EEIG2: variants seen among roughly 807,000 people sequenced by gnomAD.
EEIG2 encodes the protein EEIG family member 2.
chr1:108,580,078 C>T, the EEIG2 span, among the ~76,000 whole-genome samples: 3 of 152,084 alleles, frequency 2.0e-5, no homozygotes, highest in Non-Finnish European at 4.4e-5. Context: ...TGCTATTTTT[C>T]CAACAGTGTG....
chr1:108,603,278 G>A, the EEIG2 span, among the ~76,000 whole-genome samples: 9 of 152,166 alleles, frequency 5.9e-5, no homozygotes, highest in Non-Finnish European at 7.3e-5. Context: ...GCTGAGCAGC[G>A]AAGACACTGA....
At chr1:108,630,360 G>T in the EEIG2 span, among the ~76,000 whole-genome samples, 3 of 152,088 alleles carry the variant, frequency 2.0e-5, no homozygotes, top group East Asian at 5.8e-4. Flanking sequence ...TCACTCATAG[G>T]TGGGAATTGA....
At chr1:108,633,020 A>G in the EEIG2 span, among the ~76,000 whole-genome samples, 9 of 149,228 alleles carry the variant, frequency 6.0e-5, no homozygotes, top group Non-Finnish European at 1.0e-4. Context: ...CCTGGCCTCA[A>G]GTGATCCTCC....
At chr1:108,574,765 G>T in the EEIG2 span, among the ~76,000 whole-genome samples, 1 of 152,060 alleles carries the variant, frequency 6.6e-6, no homozygotes, top group Non-Finnish European at 1.5e-5. Flanking sequence ...AAAAGGGGGG[G>T]TTAGATGGTC....
chr1:108,582,670 T>G, the EEIG2 span, among the ~76,000 whole-genome samples: 1 of 148,764 alleles, frequency 6.7e-6, no homozygotes. Flanking sequence ...GAATTTTTTC[T>G]TTCTTAAGCA....
At chr1:108,560,254 G>A in the EEIG2 span, 1 of 213,788 alleles carries the variant, frequency 4.7e-6, no homozygotes. Flanking sequence ...GGCCCAGGCT[G>A]CCGCGAGAGG....
chr1:108,564,765 A>G, the EEIG2 span, among the ~76,000 whole-genome samples: 1 of 152,270 alleles, frequency 6.6e-6, no homozygotes, highest in East Asian at 1.9e-4. Context: ...CAACATGGCA[A>G]AACCCCATTT....
chr1:108,574,488 C>T, the EEIG2 span, among the ~76,000 whole-genome samples: 5 of 152,256 alleles, frequency 3.3e-5, no homozygotes, highest in South Asian at 4.1e-4. Flanking sequence ...TGGTGGCTCA[C>T]GCCTGTAATC....
chr1:108,561,227 T>A, the EEIG2 span, among the ~76,000 whole-genome samples: 1 of 152,242 alleles, frequency 6.6e-6, no homozygotes, highest in Non-Finnish European at 1.5e-5. Context: ...CCCTGGGCAC[T>A]CCCAGAGAGA....
the EEIG2 span, among the ~76,000 whole-genome samples, chr1:108,618,300 A>G: frequency 7.1e-3 from 1,078 of 152,292 alleles, 3 homozygotes; most frequent in Middle Eastern, 0.014. Context: ...GTTCTTTTCC[A>G]GTTGCTTCTG....
the EEIG2 span, among the ~76,000 whole-genome samples, chr1:108,565,471 T>G: frequency 6.6e-6 from 1 of 152,350 alleles, no homozygotes; most frequent in South Asian, 2.1e-4. Flanking sequence ...TTCACCGTAC[T>G]TCCTTTGCAA....
chr1:108,610,467 A>C, the EEIG2 span, among the ~76,000 whole-genome samples: 2 of 152,206 alleles, frequency 1.3e-5, no homozygotes, highest in Non-Finnish European at 2.9e-5. Context: ...GCAGAGAGTG[A>C]GGATGAGAAA....
chr1:108,583,198 C>G, the EEIG2 span, among the ~76,000 whole-genome samples: 1 of 151,898 alleles, frequency 6.6e-6, no homozygotes, highest in Non-Finnish European at 1.5e-5. Context: ...ACTCTGTCAT[C>G]CAGGCTGGAG....
chr1:108,615,815 C>G, the EEIG2 span, among the ~76,000 whole-genome samples: 14 of 149,828 alleles, frequency 9.3e-5, no homozygotes, highest in African/African-American at 3.4e-4. Context: ...GTTTTAAATT[C>G]TGATCTAAAG....
chr1:108,603,857 C>A, the EEIG2 span, among the ~76,000 whole-genome samples: 1 of 152,076 alleles, frequency 6.6e-6, no homozygotes, highest in Admixed American at 6.6e-5. Context: ...AAAACTTCAA[C>A]AGATGGATTT....
chr1:108,571,347 T>C, the EEIG2 span, among the ~76,000 whole-genome samples: 1 of 152,090 alleles, frequency 6.6e-6, no homozygotes, highest in African/African-American at 2.4e-5. Context: ...AGTGTCCTCG[T>C]GAGATAGCCA....
the EEIG2 span, among the ~76,000 whole-genome samples, chr1:108,587,992 C>T: frequency 1.6e-4 from 24 of 152,222 alleles, no homozygotes; most frequent in African/African-American, 5.8e-4. Context: ...TTTCACTTAG[C>T]ATAATATCCT....
At chr1:108,632,136 A>AG in the EEIG2 span, among the ~76,000 whole-genome samples, 1 of 4,526 alleles carries the variant, frequency 2.2e-4, no homozygotes, top group Admixed American at 3.2e-3. Flanking sequence ...AAAAAAAAAA[A>AG]GAAGAAGAAG....
chr1:108,575,726 A>G, the EEIG2 span, among the ~76,000 whole-genome samples: 13 of 152,220 alleles, frequency 8.5e-5, no homozygotes, highest in Admixed American at 1.3e-4. Flanking sequence ...AACACATTCT[A>G]TGATTCAATT....
Sources: allele counts gnomAD v4.1 joint callset (sites outside exome capture counted in the v4.1 genomes callset), GRCh38; gene constraint gnomAD v4.1.1; transcripts MANE v1.5; gene names NCBI Gene and HGNC (gene_info 2026-07-23, HGNC 2026-07-21).